Variants in ZPBP observed in about 807,000 individuals in gnomAD.
The protein encoded by ZPBP is zona pellucida binding protein.
ZPBP carries 26 observed loss-of-function variants against 44.8 expected under a neutral mutation model. The ratio of observed to expected loss-of-function variants is 0.58; its 90% confidence interval spans 0.43 to 0.81. The LOEUF (loss-of-function observed/expected upper bound fraction) is 0.81, where lower values mean the gene tolerates loss of function less well. Ranked by LOEUF, ZPBP falls within the 30% of genes least tolerant of loss-of-function variation. The pLI, the probability that ZPBP is intolerant of heterozygous loss-of-function variation, is 0.00. For synonymous variants in ZPBP, 174 were observed against 153.2 expected (o/e 1.14, Z -1.00); for missense variants, 409 against 434.0 (o/e 0.94, Z 0.51).
rs1359011631 is a variant in ZPBP at position 49,924,340 on chromosome 7, C to T, written n.411+11411G>A. Reference sequence around the variant, plus strand: ...ACCAAGCTGACCTAGGAAACAGGTGCATAATTCTTCATGAAAAAATTACAA... The same window carrying T: ...ACCAAGCTGACCTAGGAAACAGGTGTATAATTCTTCATGAAAAAATTACAA... On this transcript the variant is annotated intron_variant and non_coding_transcript_variant, in intron 1 of 2. Coordinates refer to the ZPBP transcript ENST00000465922. Among the ~76,000 whole-genome samples the T allele has an allele frequency of 3.9e-5, 6 of 151,930 alleles. No homozygotes were observed. The East Asian group carries it at 5.8e-4, about 15-fold the overall frequency.
At chr7:49,971,030 C>T (rs1796284300) in intron 7 of ZPBP, among the ~76,000 whole-genome samples, 1 of 151,992 alleles carries the variant, frequency 6.6e-6, no homozygotes, top group East Asian at 1.9e-4. Context: ...ACTGACAAGG[C>T]AAGACCCCAT....
Position 49,981,358 on chromosome 7 carries a change from TATA to T in ZPBP, c.961+1981_961+1983del, listed in dbSNP as rs1562819255. Among the ~76,000 whole-genome samples the T allele has an allele frequency of 9.0e-4, 9 of 9,996 alleles. No homozygotes were observed. The East Asian group carries it at 0.045, about 50-fold the overall frequency. 6.6% of individuals were successfully genotyped at this position (9,996 alleles called of 152,430 possible). On this transcript the variant is annotated intron_variant, in intron 7 of 7. Transcript: ENST00000046087. ...ATTATATATATTATATAATATATAT[TATA>T]TATAATTATATATATTATATATAAT...
chr7:50,061,467 G>A (rs1398607795), intron 3 of ZPBP, among the ~76,000 whole-genome samples: 3 of 152,140 alleles, frequency 2.0e-5, no homozygotes, highest in African/African-American at 7.2e-5. Flanking sequence ...TTGGGAGGTC[G>A]AGGCAGGCAG....
intron 2 of ZPBP, among the ~76,000 whole-genome samples, chr7:49,879,435 G>A (rs966766279): frequency 8.5e-5 from 13 of 152,146 alleles, no homozygotes; most frequent in African/African-American, 2.9e-4. Context: ...GGGTTTATAT[G>A]TGCAGGTACC....
At chr7:49,919,576 C>A (rs1009211035) in intron 1 of ZPBP, 1 of 152,122 alleles carries the variant, frequency 6.6e-6, no homozygotes, top group Non-Finnish European at 1.5e-5. Context: ...TCCTCACAAA[C>A]CCCAATTTAA....
At chr7:49,841,414 G>C in the ZPBP span, among the ~76,000 whole-genome samples, 1 of 151,992 alleles carries the variant, frequency 6.6e-6, no homozygotes, top group Admixed American at 6.5e-5. Flanking sequence ...CATAGTGGAG[G>C]AATTAAATGA....
chr7:49,861,005 A>G (rs958857894), intron 2 of ZPBP, among the ~76,000 whole-genome samples: 3 of 152,220 alleles, frequency 2.0e-5, no homozygotes, highest in African/African-American at 7.2e-5. Context: ...GGTATTTTAA[A>G]TGGTAGCTCT....
intron 5 of ZPBP, among the ~76,000 whole-genome samples, chr7:50,026,347 C>T (rs930271051): frequency 2.0e-5 from 3 of 151,806 alleles, no homozygotes; most frequent in African/African-American, 7.2e-5. Context: ...TAGTGGAAGA[C>T]ATCAATACTG....
chr7:49,927,282 T>A (rs1349544170), intron 1 of ZPBP, among the ~76,000 whole-genome samples: 2 of 152,174 alleles, frequency 1.3e-5, no homozygotes, highest in Non-Finnish European at 2.9e-5. Context: ...CAACATGAGG[T>A]GGCAGTCCTG....
In ZPBP at chr7:49,981,683, A is replaced by ATATTATATTATATATTAT. The variant is rs1431669487; in HGVS notation, c.961+1658_961+1659insATAATATATAATATAATA. 1.7e-3 allele frequency among the ~76,000 whole-genome samples: 73 copies of ATATTATATTATATATTAT among 42,166 alleles called. 25 individuals carry two copies. Among genetic ancestry groups the ATATTATATTATATATTAT allele is most frequent in the African/African-American group, 0.012 (63 of 5,414 alleles). The allele number at this position is 42,166 out of a possible 152,430, so 27.7% of individuals were successfully genotyped here. A position where few individuals can be genotyped will look rare whatever the true frequency, so the allele number is the denominator to read the frequency against. On this transcript the variant is annotated intron_variant, in intron 7 of 7. Transcript: ENST00000046087. The stretch of plus-strand genomic sequence containing the variant: ...AAAATATATATTATATATTATATAT[A>ATATTATATTATATATTAT]ATAATATATATAATTATATATAATA...
rs575405372 is a variant in ZPBP, at chr7:50,046,093, T to C, written c.487+11896A>G. Reference sequence around the variant, plus strand: ...TGGTGTTGGGAAAACTGGCTAGCCATATGCAGAAAACTGAAACTGGACCTC... The same window carrying C: ...TGGTGTTGGGAAAACTGGCTAGCCACATGCAGAAAACTGAAACTGGACCTC... On this transcript the variant is annotated intron_variant, in intron 4 of 7. Coordinates refer to ENST00000046087, the MANE Select transcript of ZPBP (RefSeq NM_007009.3). Among the ~76,000 whole-genome samples, 10 of 152,310 alleles carry C rather than the reference T, an allele frequency of 6.6e-5. No individual in the cohort carries two copies. In the South Asian group the frequency reaches 1.9e-3, roughly 28 times the overall value.
chr7:50,017,664 T>C (rs1215210840), intron 6 of ZPBP, among the ~76,000 whole-genome samples: 2 of 152,156 alleles, frequency 1.3e-5, no homozygotes, highest in African/African-American at 4.8e-5. Context: ...AATAATTATA[T>C]ATGTCAAACA....
intron 7 of ZPBP, among the ~76,000 whole-genome samples, chr7:49,950,838 C>G (rs1795310598): frequency 6.6e-6 from 1 of 151,574 alleles, no homozygotes; most frequent in African/African-American, 2.4e-5. Flanking sequence ...GTTGCGATGC[C>G]AAATTTCAAA....
chr7:49,976,043 C>T (rs1359283189), intron 7 of ZPBP, among the ~76,000 whole-genome samples: 1 of 152,072 alleles, frequency 6.6e-6, no homozygotes, highest in Non-Finnish European at 1.5e-5. Flanking sequence ...GCATCTTAAT[C>T]TACTATTACA....
At chr7:49,984,944 G>A (rs1204793063) in intron 6 of ZPBP, among the ~76,000 whole-genome samples, 2 of 152,130 alleles carry the variant, frequency 1.3e-5, no homozygotes. Flanking sequence ...TGTGCATGTG[G>A]AGTCTGCATG....
intron 6 of ZPBP, among the ~76,000 whole-genome samples, chr7:50,016,123 T>C (rs1000516324): frequency 6.6e-6 from 1 of 152,108 alleles, no homozygotes; most frequent in Non-Finnish European, 1.5e-5. Context: ...ATATGTTCAC[T>C]GCCACTATTT....
chr7:49,898,555 C>A (rs1412625873), intron 2 of ZPBP, among the ~76,000 whole-genome samples: 1 of 151,812 alleles, frequency 6.6e-6, no homozygotes, highest in East Asian at 1.9e-4. Context: ...GTGATTTTTT[C>A]TTACAACACA....
chr7:49,936,379 G>A (rs1380357628), downstream of ZPBP, among the ~76,000 whole-genome samples: 1 of 152,210 alleles, frequency 6.6e-6, no homozygotes, highest in Non-Finnish European at 1.5e-5. Flanking sequence ...GTCTGTGTGA[G>A]AATTCTAGAG....
chr7:49,862,586 G>A (rs1412430909), intron 2 of ZPBP, among the ~76,000 whole-genome samples: 1 of 151,830 alleles, frequency 6.6e-6, no homozygotes, highest in Admixed American at 6.6e-5. Context: ...TGAGTAAAAT[G>A]TTAGCTGTAG....
Sources: allele counts gnomAD v4.1 joint callset (sites outside exome capture counted in the v4.1 genomes callset), GRCh38; gene constraint gnomAD v4.1.1; transcripts MANE v1.5; gene names NCBI Gene and HGNC (gene_info 2026-07-23, HGNC 2026-07-21).